Variants in TSNARE1 observed in about 807,000 individuals in gnomAD.
The protein encoded by TSNARE1 is t-SNARE domain containing 1.
TSNARE1 carries 49 observed loss-of-function variants against 62.0 expected under a neutral mutation model. That is an observed-to-expected ratio of 0.79 (90% CI 0.63 to 1.00). The LOEUF is 1.00. Ranked by LOEUF, TSNARE1 falls within the 50% of genes least tolerant of loss-of-function variation. TSNARE1 has a pLI of 0.00. For synonymous variants in TSNARE1, 328 were observed against 294.4 expected, an observed-to-expected ratio of 1.11 and a Z score of -1.17; for missense variants, 755 against 700.1, an observed-to-expected ratio of 1.08 and a Z score of -0.88.
intron 12 of TSNARE1, chr8:142,270,504 TTATG>T (rs1819434488): frequency 1.2e-6 from 1 of 864,436 alleles, no homozygotes; most frequent in African/African-American, 2.6e-5. Flanking sequence ...ATATATATAT[TTATG>T]TATTTATAAC....
At position 142,315,000 on chromosome 8, in the gene TSNARE1, C is replaced by T. The variant is rs1563894360; in HGVS notation, c.1074+3G>A. On this transcript the variant is annotated splice_donor_region_variant and intron_variant, in intron 8 of 13. Transcript: ENST00000524325. ...ACCCCCACTGCCCCCACCAGCACCT[C>T]ACCTTCTGCACCACTCCATAGCACT... 2 of 1,614,036 alleles carry T rather than the reference C, an allele frequency of 1.2e-6. No individual in the cohort carries two copies. The highest frequency in any genetic ancestry group is 2.7e-5 in the African/African-American group (2 of 74,932).
chr8:142,254,563 C>A (rs1443978977), intron 12 of TSNARE1, among the ~76,000 whole-genome samples: 1 of 152,190 alleles, frequency 6.6e-6, no homozygotes, highest in Admixed American at 6.5e-5. Flanking sequence ...CCCTGAGCGG[C>A]CCCTTCTCTG....
At chr8:142,337,125 TA>T (rs758585542) in intron 4 of TSNARE1, among the ~76,000 whole-genome samples, 4 of 152,112 alleles carry the variant, frequency 2.6e-5, no homozygotes, top group Non-Finnish European at 5.9e-5. Context: ...AGAAACCAAT[TA>T]AATCAACATC....
intron 12 of TSNARE1, among the ~76,000 whole-genome samples, chr8:142,263,870 A>C (rs1413175216): frequency 6.6e-6 from 1 of 152,208 alleles, no homozygotes; most frequent in African/African-American, 2.4e-5. Context: ...GTCCTTCCTA[A>C]GAACTGGCTT....
intron 11 of TSNARE1, among the ~76,000 whole-genome samples, chr8:142,282,521 G>A (rs546792570): frequency 5.9e-5 from 9 of 151,534 alleles, no homozygotes; most frequent in Non-Finnish European, 1.2e-4. Flanking sequence ...ACGAGCAGAG[G>A]CGGGGTCAGT....
At chr8:142,336,630 T>C (rs1296637264) in intron 4 of TSNARE1, among the ~76,000 whole-genome samples, 2 of 152,040 alleles carry the variant, frequency 1.3e-5, no homozygotes, top group Non-Finnish European at 2.9e-5. Flanking sequence ...GGCAGCGCGG[T>C]CAGCAGAGCA....
At chr8:142,212,627 C>A (rs1815605374) in intron 13 of TSNARE1, among the ~76,000 whole-genome samples, 1 of 152,052 alleles carries the variant, frequency 6.6e-6, no homozygotes, top group Non-Finnish European at 1.5e-5. Context: ...CGGACTCCTG[C>A]AGCTAGAGCC....
At chr8:142,271,715 G>A in intron 12 of TSNARE1, 1 of 1,348,984 alleles carries the variant, frequency 7.4e-7, no homozygotes, top group South Asian at 1.8e-5. Context: ...ACAGGAAAAT[G>A]TCAGCCTGCA....
intron 1 of TSNARE1, among the ~76,000 whole-genome samples, chr8:142,392,590 T>C (rs1008846633): frequency 2.6e-5 from 4 of 152,178 alleles, no homozygotes; most frequent in Admixed American, 6.5e-5. Context: ...CCCTCGTCTA[T>C]GCCATCCATC....
At chr8:142,345,244 C>G (rs999782440) in intron 3 of TSNARE1, among the ~76,000 whole-genome samples, 2 of 152,214 alleles carry the variant, frequency 1.3e-5, no homozygotes, top group African/African-American at 4.8e-5. Context: ...CATGTCTGAG[C>G]CCCCAAGGAG....
chr8:142,231,428 A>G (rs1223331657), intron 12 of TSNARE1, among the ~76,000 whole-genome samples: 1 of 152,176 alleles, frequency 6.6e-6, no homozygotes, highest in African/African-American at 2.4e-5. Context: ...GGGGGTGGCC[A>G]GAAGGGGACA....
chr8:142,362,915 G>A (rs532672860), intron 1 of TSNARE1, among the ~76,000 whole-genome samples: 40 of 152,308 alleles, frequency 2.6e-4, no homozygotes, highest in Admixed American at 6.5e-4. Flanking sequence ...AGACCAGTGA[G>A]ATGAAACATG....
intron 12 of TSNARE1, chr8:142,273,486 G>T: frequency 5.1e-6 from 5 of 985,416 alleles, no homozygotes; most frequent in East Asian, 2.3e-4. Flanking sequence ...GCCCAGAGCT[G>T]GCGCCAGGAG....
chr8:142,405,591 C>T (rs1838573124), upstream of TSNARE1: 1 of 152,256 alleles, frequency 6.6e-6, no homozygotes, highest in Non-Finnish European at 1.5e-5. Context: ...AAGCCAACCT[C>T]AGAAATGCTC....
intron 13 of TSNARE1, among the ~76,000 whole-genome samples, chr8:142,218,898 G>A (rs544797159): frequency 6.6e-6 from 1 of 152,164 alleles, no homozygotes; most frequent in African/African-American, 2.4e-5. Flanking sequence ...ATTTATTATT[G>A]CAATTACTGA....
intron 12 of TSNARE1, among the ~76,000 whole-genome samples, chr8:142,242,963 A>AT (rs1817734177): frequency 2.0e-5 from 3 of 151,176 alleles, no homozygotes; most frequent in African/African-American, 7.4e-5. Context: ...AAAAAAAAAA[A>AT]AAAAAAAGCT....
chr8:142,314,154 C>T (rs1828125431), intron 9 of TSNARE1, among the ~76,000 whole-genome samples: 1 of 152,244 alleles, frequency 6.6e-6, no homozygotes, highest in African/African-American at 2.4e-5. Context: ...GTGAGTCCTG[C>T]CCAGCACATG....
intron 6 of TSNARE1, among the ~76,000 whole-genome samples, chr8:142,325,886 C>G (rs576881619): frequency 7.3e-6 from 1 of 137,710 alleles, no homozygotes; most frequent in Admixed American, 7.4e-5. Context: ...CCAGAGAGCA[C>G]GAGACGGATG....
At chr8:142,274,414 G>C (rs1820082368) in intron 12 of TSNARE1, 1 of 985,344 alleles carries the variant, frequency 1.0e-6, no homozygotes, top group Non-Finnish European at 1.2e-6. Context: ...AGTCCCCTCT[G>C]CAGTTCCCCG....
Sources: allele counts gnomAD v4.1 joint callset (sites outside exome capture counted in the v4.1 genomes callset), GRCh38; gene constraint gnomAD v4.1.1; transcripts MANE v1.5; gene names NCBI Gene and HGNC (gene_info 2026-07-23, HGNC 2026-07-21).